The following PCDHGA3 variants were observed in gnomAD, a reference collection of about 807,000 sequenced individuals.
PCDHGA3 encodes the protein protocadherin gamma subfamily A, 3, also known as protocadherin gamma-A3.
In PCDHGA3, 40 loss-of-function variants were observed where a neutral mutation model predicts 58.5. That is an observed-to-expected ratio of 0.68 (90% confidence interval 0.53 to 0.89). The LOEUF (loss-of-function observed/expected upper bound fraction) is 0.89, where lower values mean the gene tolerates loss of function less well. Ranked by LOEUF, PCDHGA3 falls within the 40% of genes least tolerant of loss-of-function variation. PCDHGA3 has a pLI of 0.00. For synonymous variants in PCDHGA3, 530 were observed against 525.7 expected (o/e 1.01, Z -0.11); for missense variants, 1,223 against 1,195.9 (o/e 1.02, Z -0.33).
At chr5:141,384,266 C>T in intron 1 of PCDHGA3, 1 of 1,613,876 alleles carries the variant, frequency 6.2e-7, no homozygotes. Context: ...CCCCACTCAT[C>T]CTACTCAGTC....
At position 141,355,553 on chromosome 5, in the gene PCDHGA3, G is replaced by A. The variant is rs758635124; in HGVS notation, c.2424+9096G>A. 40 of 1,613,896 alleles carry A rather than the reference G, an allele frequency of 2.5e-5. No homozygotes were observed. The highest frequency in any genetic ancestry group is 1.0e-4 in the Admixed American group (6 of 60,004). ...CTAGAAGATACAGTGAAGATTTTGC[G>A]GGTAGAGGTGGAAATAATCGATGTT... is the stretch of plus-strand genomic sequence containing the variant. On this transcript the variant is annotated intron_variant, in intron 1 of 3. Coordinates refer to ENST00000253812, the MANE Select transcript of PCDHGA3 (RefSeq NM_018916.4).
Position 141,476,301 on chromosome 5 carries a change from C to T in PCDHGA3, c.2425-18506C>T. On this transcript the variant is annotated intron_variant, in intron 1 of 3. Transcript: ENST00000253812. The surrounding 1 kb of genome is among the most constrained non-coding windows in gnomAD (Gnocchi z 7.6). ...CTTGGTTTGGATCTCGGTAGCCTCT[C>T]AGCCCGCAGGTTCCGGGTGGTGTCT... is the stretch of plus-strand genomic sequence containing the variant. The T allele has an allele frequency of 1.9e-6, 3 of 1,613,778 alleles. No homozygotes were observed. The highest frequency in any genetic ancestry group is 2.5e-6 in the Non-Finnish European group (3 of 1,179,908).
At position 141,477,023 on chromosome 5, in the gene PCDHGA3, A is replaced by T. The variant is rs763926460; in HGVS notation, c.2425-17784A>T. ...ATTCGCCTTAGACCTTGTAACCGGG[A>T]TGCTGACAATCAAGGGTCGGCTGGA... is the stretch of plus-strand genomic sequence containing the variant. On this transcript the variant is annotated intron_variant, in intron 1 of 3. Transcript: ENST00000253812. The surrounding 1 kb of genome is among the most constrained non-coding windows in gnomAD (Gnocchi z 4.9). 6.2e-7 allele frequency: 1 copy of T among 1,614,240 alleles called. No homozygotes were observed. The highest frequency in any genetic ancestry group is 8.5e-7 in the Non-Finnish European group (1 of 1,180,040).
chr5:141,366,540 C>G, intron 1 of PCDHGA3: 1 of 1,614,260 alleles, frequency 6.2e-7, no homozygotes, highest in Non-Finnish European at 8.5e-7. Flanking sequence ...GGTGTGCCCG[C>G]CTCGCACTTT....
intron 1 of PCDHGA3, among the ~76,000 whole-genome samples, chr5:141,433,664 C>G (rs1027404017): frequency 6.6e-6 from 1 of 151,966 alleles, no homozygotes; most frequent in South Asian, 2.1e-4. Flanking sequence ...GGAGAAACCC[C>G]GTCTATACTA....
intron 1 of PCDHGA3, chr5:141,352,665 C>T (rs755324921): frequency 2.5e-6 from 4 of 1,587,432 alleles, no homozygotes; most frequent in South Asian, 1.1e-5. Context: ...TCTTTGTCTT[C>T]GCACGTGAGT....
chr5:141,452,914 TAAGA>T (rs1164409830), intron 1 of PCDHGA3, among the ~76,000 whole-genome samples: 1 of 152,226 alleles, frequency 6.6e-6, no homozygotes, highest in African/African-American at 2.4e-5. Flanking sequence ...CATTATACAG[TAAGA>T]AAGAGCTGCT....
At chr5:141,466,621 T>A (rs911794654) in intron 1 of PCDHGA3, among the ~76,000 whole-genome samples, 1 of 152,208 alleles carries the variant, frequency 6.6e-6, no homozygotes, top group Non-Finnish European at 1.5e-5. Context: ...GCCGTTTTCT[T>A]TGGAGCATTG....
intron 1 of PCDHGA3, chr5:141,388,600 C>G (rs1561620181): frequency 6.2e-7 from 1 of 1,613,856 alleles, no homozygotes; most frequent in Non-Finnish European, 8.5e-7. Context: ...AATGATAATG[C>G]TCCAGTGTTC....
At chr5:141,404,771 C>A in intron 1 of PCDHGA3, 2 of 1,613,870 alleles carry the variant, frequency 1.2e-6, no homozygotes, top group African/African-American at 1.3e-5. Context: ...GCTCTCCTAC[C>A]GCCTATTCAA....
chr5:141,389,750 C>A (rs751642051), intron 1 of PCDHGA3: 4 of 1,612,642 alleles, frequency 2.5e-6, no homozygotes, highest in African/African-American at 2.7e-5. Context: ...TGCGCACGGG[C>A]GAAGTGCGCA....
Position 141,491,190 on chromosome 5 carries a change from C to A in PCDHGA3, c.2425-3617C>A, listed in dbSNP as rs759736855. On this transcript the variant is annotated intron_variant, in intron 1 of 3. Transcript: ENST00000253812. The surrounding 1 kb of genome is among the most constrained non-coding windows in gnomAD (Gnocchi z 6.9). ...AGCAGGTGGTGGTCCTGGTGAGGGA[C>A]AATGGTGACCCTTCACTCTCCTCCA... 1 of 1,614,192 alleles carries A rather than the reference C, an allele frequency of 6.2e-7. No homozygotes were observed. The highest frequency in any genetic ancestry group is 1.1e-5 in the South Asian group (1 of 91,082).
In PCDHGA3 at chr5:141,511,032, G is replaced by A; in HGVS notation, c.2658G>A (p.Gln886=). 1.2e-6 allele frequency: 2 copies of A among 1,614,228 alleles called. No homozygotes were observed. The highest frequency in any genetic ancestry group is 2.2e-5 in the East Asian group (1 of 44,888). The change falls in exon 4 of 4, where the codon CAG becomes CAA. Residue 886 remains glutamine, a synonymous_variant. Transcript: ENST00000253812. Reference sequence around the variant, plus strand: ...GCTACGGACCCCAGTTCACCCTGCAGCACGTGCCCGACTACCGCCAGAATG... The same window carrying A: ...GCTACGGACCCCAGTTCACCCTGCAACACGTGCCCGACTACCGCCAGAATG... ...SARYGPQFTL[Q]HVPDYRQNVY...
At chr5:141,412,591 A>G (rs2095564760) in intron 1 of PCDHGA3, 1 of 152,214 alleles carries the variant, frequency 6.6e-6, no homozygotes, top group Non-Finnish European at 1.5e-5. Flanking sequence ...ATGAATGTAT[A>G]CTAAATAAAA....
chr5:141,465,532 C>T (rs1175698109), intron 1 of PCDHGA3, among the ~76,000 whole-genome samples: 1 of 152,138 alleles, frequency 6.6e-6, no homozygotes, highest in Non-Finnish European at 1.5e-5. Flanking sequence ...GGAAGTTTTC[C>T]CAGGCATTTT....
chr5:141,424,383 T>C (rs2096817494), intron 1 of PCDHGA3: 2 of 152,238 alleles, frequency 1.3e-5, no homozygotes, highest in Non-Finnish European at 2.9e-5. Context: ...AAGCTCTAGA[T>C]GTCTTTTCCA....
At chr5:141,404,910 CT>C (rs1185141572) in intron 1 of PCDHGA3, 10 of 1,613,936 alleles carry the variant, frequency 6.2e-6, no homozygotes, top group Non-Finnish European at 8.5e-6. Flanking sequence ...GGCCAGCCCC[CT>C]CTCTCGGCCA....
chr5:141,360,751 A>G (rs1205028174), intron 1 of PCDHGA3: 1 of 1,614,000 alleles, frequency 6.2e-7, no homozygotes, highest in Non-Finnish European at 8.5e-7. Context: ...AGAAGAGCAC[A>G]GTTTACATCA....
At chr5:141,441,864 G>A in intron 1 of PCDHGA3, 3 of 344,518 alleles carry the variant, frequency 8.7e-6, no homozygotes, top group Admixed American at 4.1e-5. Context: ...TGCACGCCGC[G>A]GAGCCTGGCT....
Sources: gnomAD v4.1 joint callset for allele counts (sites outside exome capture counted in the v4.1 genomes callset) on GRCh38, gnomAD v4.1.1 for gene constraint, Gnocchi (gnomAD v3.1) non-coding constraint, MANE v1.5 for transcripts, NCBI Gene and HGNC (gene_info 2026-07-23, HGNC 2026-07-21) for gene names.